The following TNK2 variants were observed in gnomAD, a reference collection of about 807,000 sequenced individuals.
TNK2 encodes the protein tyrosine kinase non receptor 2, also known as activated CDC42 kinase 1.
TNK2 carries 83 observed loss-of-function variants against 101.8 expected under a neutral mutation model. The ratio of observed to expected loss-of-function variants is 0.82; its 90% CI spans 0.68 to 0.98. The LOEUF (loss-of-function observed/expected upper bound fraction) is 0.98, where lower values mean the gene tolerates loss of function less well. TNK2 is among the 50% of genes least tolerant of loss of function. TNK2 has a pLI of 0.00. For missense variants in TNK2, 1,665 were observed against 1,483.2 expected (o/e 1.12, Z -2.01); for synonymous variants, 804 against 633.0 (o/e 1.27, Z -4.06).
intron 1 of TNK2, among the ~76,000 whole-genome samples, chr3:195,900,769 C>T (rs1415263092): frequency 6.6e-6 from 1 of 152,336 alleles, no homozygotes; most frequent in South Asian, 2.1e-4. Flanking sequence ...TGTCACGGCA[C>T]GGGGGCCCAG....
chr3:195,868,956 T>C, intron 12 of TNK2: 1 of 540,556 alleles, frequency 1.8e-6, no homozygotes, highest in Non-Finnish European at 3.2e-6. Flanking sequence ...TCGCTCCGTC[T>C]AAGCTGCAGC....
chr3:195,869,616 G>C lies in TNK2; in HGVS notation c.1544-75C>G, dbSNP rs994950952. 3 of 1,397,034 alleles carry C rather than the reference G, an allele frequency of 2.1e-6. No individual in the cohort carries two copies. The South Asian group carries it at 3.7e-5, about 17-fold the overall frequency. 86.5% of individuals were successfully genotyped at this position (1,397,034 alleles called of 1,614,324 possible). A position where few individuals can be genotyped will look rare whatever the true frequency, so the allele number is the denominator to read the frequency against. On this transcript the variant is annotated intron_variant, in intron 11 of 15. Coordinates refer to ENST00000672887, the MANE Select transcript of TNK2 (RefSeq NM_001382273.1). ...GGACAAAGGAGGGAGACGGCCGGAC[G>C]AGAGGGCAGAGTGTAGAGAGACGAA...
intron 1 of TNK2, among the ~76,000 whole-genome samples, chr3:195,906,739 T>C (rs1020182489): frequency 2.0e-5 from 3 of 152,204 alleles, no homozygotes; most frequent in Admixed American, 6.5e-5. Context: ...ATGCTCAGTT[T>C]ACCATATGTC....
At chr3:195,881,940 A>G in intron 6 of TNK2, 111 bp downstream of exon 6, 1 of 1,332,744 alleles carries the variant, frequency 7.5e-7, no homozygotes, top group Non-Finnish European at 1.0e-6. Context: ...CTTAGAACAG[A>G]CAAGGGCAGG....
intron 12 of TNK2, 189 bp from the exon 13 acceptor site, chr3:195,868,898 C>CG: frequency 1.6e-6 from 1 of 634,188 alleles, no homozygotes; most frequent in South Asian, 2.1e-5. Context: ...ATCAGGAGGG[C>CG]GGAACCTGCT....
At position 195,872,361 on chromosome 3, in the gene TNK2, G is replaced by T. The variant is rs1312277143; in HGVS notation, c.1366C>A (p.Gln456Lys). ...VAGLSAQDIS[Q>K]PLQNSFIHTG... ...TGGATGAAGCTGTTCTGCAGGGGCT[G>T]GCTGATGTCCTGGGCCGACAGGCCG... Residue 456 changes from glutamine to lysine, a missense_variant, in exon 10 of 16, where the codon CAG (glutamine) becomes AAG (lysine). Physicochemically the swap from Gln to Lys is moderately conservative, Grantham distance 53. Around this residue, in one of 3 missense-constraint regions of TNK2, gnomAD observed 1,136 missense variants for 894.9 expected, o/e 1.27. Coordinates refer to ENST00000672887, the MANE Select transcript of TNK2 (RefSeq NM_001382273.1). 1 of 1,613,416 alleles carries T rather than the reference G, an allele frequency of 6.2e-7. No homozygotes were observed. Among genetic ancestry groups the T allele is most frequent in the South Asian group, 1.1e-5 (1 of 91,086 alleles).
At chr3:195,902,103 A>C (rs1003226421) in intron 1 of TNK2, among the ~76,000 whole-genome samples, 3 of 152,188 alleles carry the variant, frequency 2.0e-5, no homozygotes, top group African/African-American at 7.2e-5. Flanking sequence ...AGAATGGTAG[A>C]GGAAAAACCA....
chr3:195,889,016 T>C (rs1395025824), intron 1 of TNK2, among the ~76,000 whole-genome samples: 5 of 152,238 alleles, frequency 3.3e-5, no homozygotes, highest in African/African-American at 1.2e-4. Flanking sequence ...TAAAAATCTC[T>C]AGGGTGCAAT....
In TNK2 at chr3:195,886,841, G is replaced by C; in HGVS notation, c.234+136C>G. The C allele has an allele frequency of 1.1e-6, 1 of 920,948 alleles. No individual in the cohort carries two copies. Among genetic ancestry groups the C allele is most frequent in the South Asian group, 1.4e-5 (1 of 72,158 alleles). The allele number at this position is 920,948 out of a possible 1,614,324, so 57.0% of individuals were successfully genotyped here. A position where few individuals can be genotyped will look rare whatever the true frequency, so the allele number is the denominator to read the frequency against. ...CCTGCCCGATAAGACCCTGGACGAG[G>C]GGGTCCTGTACAAAGTGCCGGCAGA... On this transcript the variant is annotated intron_variant, in intron 3 of 15. Transcript: ENST00000672887. This position sits in a 1 kb window ranked among gnomAD's most constrained non-coding sequence, Gnocchi z 4.2.
At chr3:195,893,701 G>A (rs973771012) in intron 1 of TNK2, among the ~76,000 whole-genome samples, 4 of 151,910 alleles carry the variant, frequency 2.6e-5, no homozygotes, top group African/African-American at 9.7e-5. Flanking sequence ...CAGCTCCCCA[G>A]GCACCCCCCT....
At chr3:195,875,448 C>T (rs902055896) in intron 9 of TNK2, among the ~76,000 whole-genome samples, 1 of 149,084 alleles carries the variant, frequency 6.7e-6, no homozygotes, top group Admixed American at 6.7e-5. Flanking sequence ...CGCCCACGCA[C>T]GCTCGGAGGC....
rs749959601 is a variant in TNK2 at position 195,888,611 on chromosome 3, G to A, written c.-18-5C>T. 9 of 1,604,154 alleles carry A rather than the reference G, an allele frequency of 5.6e-6. No individual in the cohort carries two copies. Among genetic ancestry groups the A allele is most frequent in the South Asian group, 1.1e-5 (1 of 90,502 alleles). ...CATTCTGCCGCCTCCCAGCCTCTGT[G>A]GGGGGAGGAGTGGCTCAGGGACAAG... On this transcript the variant is annotated splice_region_variant and splice_polypyrimidine_tract_variant and intron_variant, in intron 1 of 15. Transcript: ENST00000672887. The surrounding 1 kb of genome is among the most constrained non-coding windows in gnomAD (Gnocchi z 5.3).
intron 9 of TNK2, among the ~76,000 whole-genome samples, chr3:195,873,675 G>A (rs1747067157): frequency 1.3e-5 from 2 of 152,218 alleles, no homozygotes; most frequent in South Asian, 2.1e-4. Flanking sequence ...AGCCAGGCCG[G>A]GGAGAGAGGA....
At chr3:195,872,141 G>A in intron 10 of TNK2, 135 bp downstream of exon 10, 1 of 1,007,430 alleles carries the variant, frequency 9.9e-7, no homozygotes. Context: ...CCAGGGTGAG[G>A]AGGGGAGAGT....
chr3:195,868,138 C>G lies in TNK2; in HGVS notation c.2160G>C (p.Glu720Asp), dbSNP rs371555478. ...GKPPSSAQTA[E>D]IFQALQQECM... The stretch of plus-strand genomic sequence containing the variant: ...ACTCCTGCTGTAGCGCCTGGAAGAT[C>G]TCTGCGGTCTGTGCGGAGCTGGGCG... Residue 720 changes from glutamate (E) to aspartate (D), a missense_variant, in exon 13 of 16, where the codon GAG becomes GAC. This residue lies in a region of TNK2 where 1,136 missense variants were observed against 894.9 expected (regional missense o/e 1.27). Coordinates refer to ENST00000672887, the MANE Select transcript of TNK2 (RefSeq NM_001382273.1). The G allele has an allele frequency of 1.2e-6, 2 of 1,611,636 alleles. No homozygotes were observed.
chr3:195,895,582 TCCCAGTGAGCCAGCTGTGCCAG>T, intron 1 of TNK2: 1 of 1,309,966 alleles, frequency 7.6e-7, no homozygotes, highest in Non-Finnish European at 9.7e-7. Flanking sequence ...TCCCACCCTC[TCCCAGTGAGCCAGCTGTGCCAG>T]CCCCGGGCTG....
intron 15 of TNK2, among the ~76,000 whole-genome samples, chr3:195,864,917 G>C (rs1213286426): frequency 3.9e-5 from 5 of 126,684 alleles, no homozygotes; most frequent in Non-Finnish European, 5.1e-5. Context: ...AGAACCACCC[G>C]AGACAGCGAC....
At chr3:195,893,501 T>C (rs980159073) in intron 1 of TNK2, among the ~76,000 whole-genome samples, 47 of 152,038 alleles carry the variant, frequency 3.1e-4, no homozygotes, top group African/African-American at 1.0e-3. Flanking sequence ...ATGTCTCCTG[T>C]ATAACCCCTG....
In TNK2 at chr3:195,886,639, C is replaced by G. The variant is rs1755699904; in HGVS notation, c.234+338G>C. Among the ~76,000 whole-genome samples, 1 of 152,160 alleles carries G rather than the reference C, an allele frequency of 6.6e-6. No homozygotes were observed. The highest frequency in any genetic ancestry group is 2.4e-5 in the African/African-American group (1 of 41,432). ...CTGGGTCCAGACAGGTCCACCACCC[C>G]ACGCTGGACACTGGCCCCAACGCTC... On this transcript the variant is annotated intron_variant, in intron 3 of 15. Coordinates refer to ENST00000672887, the MANE Select transcript of TNK2 (RefSeq NM_001382273.1). This position sits in a 1 kb window ranked among gnomAD's most constrained non-coding sequence, Gnocchi z 4.2.
Sources: allele counts gnomAD v4.1 joint callset (sites outside exome capture counted in the v4.1 genomes callset), GRCh38; gene constraint gnomAD v4.1.1; regional missense constraint gnomAD v4.1.1; non-coding constraint Gnocchi (gnomAD v3.1); transcripts MANE v1.5; gene names NCBI Gene and HGNC (gene_info 2026-07-23, HGNC 2026-07-21).